The following C9 variants were observed in gnomAD, a reference collection of about 807,000 sequenced individuals.
C9 encodes complement C9, also known as complement component C9.
In C9, 63 loss-of-function variants were observed where a neutral mutation model predicts 65.4. That is an observed-to-expected ratio of 0.96 (90% CI 0.79 to 1.19). The LOEUF (loss-of-function observed/expected upper bound fraction) is 1.19. C9 is among the 50% of genes most tolerant of loss of function. The pLI is 0.00. For missense variants in C9, 744 were observed against 670.1 expected (o/e 1.11, Z -1.22); for synonymous variants, 229 against 227.9 (o/e 1.00, Z -0.04).
intron 5 of C9, among the ~76,000 whole-genome samples, chr5:39,330,809 T>C (rs1405146190): frequency 6.6e-6 from 1 of 152,214 alleles, no homozygotes; most frequent in Admixed American, 6.5e-5. Flanking sequence ...TCTTTAGCAT[T>C]CATGAGAAAA....
At chr5:39,340,207 C>T (rs1693608359) in intron 4 of C9, among the ~76,000 whole-genome samples, 1 of 151,896 alleles carries the variant, frequency 6.6e-6, no homozygotes, top group Non-Finnish European at 1.5e-5. Flanking sequence ...ATTTACTGAG[C>T]ACCTACTATG....
intron 1 of C9, among the ~76,000 whole-genome samples, chr5:39,353,877 T>C (rs1380261480): frequency 6.6e-6 from 1 of 152,016 alleles, no homozygotes; most frequent in African/African-American, 2.4e-5. Flanking sequence ...AAATGAATAA[T>C]TGAATAATTG....
chr5:39,313,112 A>T (rs558770857), intron 6 of C9, among the ~76,000 whole-genome samples: 8 of 152,188 alleles, frequency 5.3e-5, no homozygotes, highest in Non-Finnish European at 2.9e-5. Context: ...GCTCATTATC[A>T]TCCAAATATG....
chr5:39,303,802 A>G (rs77400441), intron 9 of C9, among the ~76,000 whole-genome samples: 146 of 151,962 alleles, frequency 9.6e-4, no homozygotes, highest in African/African-American at 3.4e-3. Flanking sequence ...CCGCATCCCA[A>G]AGATAGTCAT....
At chr5:39,309,289 C>T (rs1466464625) in intron 7 of C9, among the ~76,000 whole-genome samples, 1 of 152,102 alleles carries the variant, frequency 6.6e-6, no homozygotes, top group African/African-American at 2.4e-5. Context: ...CACACACATA[C>T]ACACGAATTT....
At chr5:39,340,305 A>G (rs1754051110) in intron 4 of C9, among the ~76,000 whole-genome samples, 1 of 151,964 alleles carries the variant, frequency 6.6e-6, no homozygotes, top group Admixed American at 6.6e-5. Flanking sequence ...TCAATATACT[A>G]CTGGGTGGAA....
chr5:39,346,889 T>A lies in C9; in HGVS notation c.78-4693A>T, dbSNP rs1297173813. Among the ~76,000 whole-genome samples, 5 of 152,102 alleles carry A rather than the reference T, an allele frequency of 3.3e-5. No individual in the cohort carries two copies. The East Asian group carries it at 9.6e-4, about 29-fold the overall frequency. On this transcript the variant is annotated intron_variant, in intron 1 of 10. Coordinates refer to ENST00000263408, the MANE Select transcript of C9 (RefSeq NM_001737.5). ...AACATATGCAAATCAATAAACGTAA[T>A]CCAGCATATAAACAGAAACAAAGAC...
chr5:39,341,275 C>A lies in C9; in HGVS notation c.347G>T (p.Arg116Leu), dbSNP rs533953561. The change falls in exon 4 of 11, where the codon CGA (arginine) becomes CTA (leucine). Residue 116 changes from arginine (R) to leucine (L), a missense_variant. Coordinates refer to ENST00000263408, the MANE Select transcript of C9 (RefSeq NM_001737.5). ...QCSTGRCIKM[R>L]LRCNGDNDCG... is the part of the protein sequence containing the mutation. Reference sequence around the variant, plus strand: ...GTCATTGTCACCATTACACCGAAGTCGCATCTTTATGCATCTGCCTGCAAT... The same window carrying A: ...GTCATTGTCACCATTACACCGAAGTAGCATCTTTATGCATCTGCCTGCAAT... 6 of 1,614,018 alleles carry A rather than the reference C, an allele frequency of 3.7e-6. No individual in the cohort carries two copies. The highest frequency in any genetic ancestry group is 3.3e-5 in the Admixed American group (2 of 60,006).
At chr5:39,352,642 C>A (rs1305090598) in intron 1 of C9, among the ~76,000 whole-genome samples, 1 of 152,178 alleles carries the variant, frequency 6.6e-6, no homozygotes, top group Non-Finnish European at 1.5e-5. Context: ...CCCATCCATT[C>A]TCTTCATCTC....
chr5:39,291,747 AGAGTC>A (rs1209481890), intron 9 of C9, among the ~76,000 whole-genome samples: 1 of 151,958 alleles, frequency 6.6e-6, no homozygotes, highest in Non-Finnish European at 1.5e-5. Context: ...AATATTATAA[AGAGTC>A]AAATGGAAAT....
At chr5:39,333,947 G>C (rs984297185) in intron 4 of C9, among the ~76,000 whole-genome samples, 7 of 152,156 alleles carry the variant, frequency 4.6e-5, no homozygotes, top group African/African-American at 1.7e-4. Context: ...GCAGTGGCGT[G>C]ATCTCGGCTC....
intron 1 of C9, among the ~76,000 whole-genome samples, chr5:39,359,439 G>A (rs10473138): frequency 3.9e-5 from 6 of 151,962 alleles, no homozygotes; most frequent in East Asian, 3.9e-4. Flanking sequence ...GGATGTCGGC[G>A]TATAAGTGGC....
At chr5:39,334,639 A>G (rs1753924890) in intron 4 of C9, among the ~76,000 whole-genome samples, 1 of 144,130 alleles carries the variant, frequency 6.9e-6, no homozygotes. Context: ...GGCCACCCCT[A>G]CTGGGAAGTG....
At chr5:39,349,733 C>A (rs1039058246) in intron 1 of C9, among the ~76,000 whole-genome samples, 1 of 152,316 alleles carries the variant, frequency 6.6e-6, no homozygotes. Flanking sequence ...TGCTTCATGG[C>A]ATTCAATGTA....
At chr5:39,338,986 C>T (rs1754018322) in intron 4 of C9, among the ~76,000 whole-genome samples, 2 of 152,144 alleles carry the variant, frequency 1.3e-5, no homozygotes, top group African/African-American at 4.8e-5. Flanking sequence ...GAATAAATAA[C>T]ATATGTTAAG....
intron 1 of C9, among the ~76,000 whole-genome samples, chr5:39,354,882 C>T (rs1754388318): frequency 6.6e-6 from 1 of 152,074 alleles, no homozygotes; most frequent in South Asian, 2.1e-4. Context: ...ATGCTATGTA[C>T]ATAGAAAACT....
intron 5 of C9, among the ~76,000 whole-genome samples, chr5:39,325,885 T>G (rs552633166): frequency 6.6e-6 from 1 of 152,302 alleles, no homozygotes; most frequent in Admixed American, 6.5e-5. Context: ...CTCCTTGTTG[T>G]AGGATAACTC....
intron 1 of C9, among the ~76,000 whole-genome samples, chr5:39,354,110 A>C (rs1400462372): frequency 6.6e-6 from 1 of 152,214 alleles, no homozygotes; most frequent in East Asian, 1.9e-4. Flanking sequence ...TTGCAGGCTA[A>C]AAATGTATTA....
At chr5:39,311,419 T>C in intron 6 of C9, 42 bp from the exon 7 acceptor site, 1 of 1,596,610 alleles carries the variant, frequency 6.3e-7, no homozygotes. Context: ...ATGTGTTTTA[T>C]CCACCATTTC....
Sources: gnomAD v4.1 joint callset for allele counts (sites outside exome capture counted in the v4.1 genomes callset) on GRCh38, gnomAD v4.1.1 for gene constraint, MANE v1.5 for transcripts, NCBI Gene and HGNC (gene_info 2026-07-23, HGNC 2026-07-21) for gene names.